Variants in BCL2L13 observed in about 807,000 individuals in gnomAD.
BCL2L13 encodes the protein bcl-2-like protein 13.
A neutral mutation model predicts 25.8 loss-of-function variants in BCL2L13; 13 were observed. The observed-to-expected ratio is 0.50, with a 90% CI of 0.33 to 0.80. The LOEUF is 0.80. Ranked by LOEUF, BCL2L13 falls within the 30% of genes least tolerant of loss-of-function variation. BCL2L13 has a pLI of 0.02. For synonymous variants in BCL2L13, 244 were observed against 230.3 expected (o/e 1.06, Z -0.54); for missense variants, 504 against 574.9 (o/e 0.88, Z 1.26).
intron 4 of BCL2L13, among the ~76,000 whole-genome samples, chr22:17,692,826 A>G (rs1601684959): frequency 6.6e-6 from 1 of 152,262 alleles, no homozygotes; most frequent in Non-Finnish European, 1.5e-5. Context: ...AGTAAAAAAT[A>G]AAATGAAATG....
intron 5 of BCL2L13, among the ~76,000 whole-genome samples, chr22:17,697,964 T>G (rs2060313793): frequency 6.6e-6 from 1 of 152,080 alleles, no homozygotes. Context: ...TATAGGCACC[T>G]GCCACCTTGC....
intron 1 of BCL2L13, 37 bp downstream of exon 1, chr22:17,638,923 T>C: frequency 1.6e-6 from 2 of 1,229,406 alleles, no homozygotes; most frequent in Non-Finnish European, 2.0e-6. Flanking sequence ...CTGAGCTGGG[T>C]GAGGAGGTGG....
chr22:17,695,986 T>A, intron 4 of BCL2L13, 155 bp from the exon 5 acceptor site: 1 of 538,618 alleles, frequency 1.9e-6, no homozygotes, highest in Non-Finnish European at 3.4e-6. Flanking sequence ...AAGTGCATAC[T>A]AGTGTGAAAA....
chr22:17,687,558 C>T (rs959833940), intron 3 of BCL2L13, among the ~76,000 whole-genome samples: 1 of 151,950 alleles, frequency 6.6e-6, no homozygotes, highest in African/African-American at 2.4e-5. Flanking sequence ...GCTCTGTCAC[C>T]CAGGCTGGAG....
intron 2 of BCL2L13, among the ~76,000 whole-genome samples, chr22:17,677,670 G>A (rs1373567673): frequency 2.0e-5 from 3 of 152,074 alleles, no homozygotes; most frequent in Non-Finnish European, 4.4e-5. Flanking sequence ...TCAGGAGATC[G>A]AGACCATCCT....
intron 2 of BCL2L13, among the ~76,000 whole-genome samples, chr22:17,660,273 G>A (rs2059022792): frequency 6.8e-6 from 1 of 146,620 alleles, no homozygotes; most frequent in Admixed American, 6.8e-5. Context: ...GAAATGTGCA[G>A]TTATGCATTT....
intron 2 of BCL2L13, among the ~76,000 whole-genome samples, chr22:17,665,166 AC>A (rs1385263003): frequency 1.3e-5 from 2 of 152,098 alleles, no homozygotes; most frequent in African/African-American, 4.8e-5. Context: ...TCTGCCAGAT[AC>A]CCTAAATCAT....
chr22:17,662,305 C>A lies in BCL2L13; in HGVS notation c.121+6473C>A, dbSNP rs190965829. On this transcript the variant is annotated intron_variant, in intron 2 of 6. Transcript: ENST00000317582. ...CATCCTGGCTAACACAGTGAAACCT[C>A]GTCTCTACTGAAAAAAACAAAAATT... 6.2e-3 allele frequency among the ~76,000 whole-genome samples: 948 copies of A among 152,136 alleles called. 5 individuals carry two copies. The highest frequency in any genetic ancestry group is 0.022 in the African/African-American group (902 of 41,500).
intron 2 of BCL2L13, among the ~76,000 whole-genome samples, chr22:17,674,021 G>A (rs16981007): frequency 0.015 from 2,260 of 152,232 alleles, 57 homozygotes; most frequent in African/African-American, 0.05. Flanking sequence ...GACAAAGGAA[G>A]TATATCCCAA....
intron 1 of BCL2L13, among the ~76,000 whole-genome samples, chr22:17,647,991 T>TTTCG (rs2058552998): frequency 6.6e-6 from 1 of 151,880 alleles, no homozygotes; most frequent in Non-Finnish European, 1.5e-5. Flanking sequence ...TTATCCGGGC[T>TTTCG]TGGTGGCACA....
intron 1 of BCL2L13, among the ~76,000 whole-genome samples, chr22:17,631,182 C>T (rs557801820): frequency 1.4e-4 from 21 of 151,766 alleles, no homozygotes; most frequent in Non-Finnish European, 2.9e-5. Flanking sequence ...CTGCAACCTC[C>T]ACCTCCTGGG....
intron 5 of BCL2L13, among the ~76,000 whole-genome samples, chr22:17,701,755 G>A (rs1237129780): frequency 2.6e-5 from 4 of 151,856 alleles, no homozygotes; most frequent in Non-Finnish European, 4.4e-5. Flanking sequence ...GTGAAACCCC[G>A]TCTCTACTAA....
Position 17,730,041 on chromosome 22 carries a change from T to C in BCL2L13, c.*2507T>C, listed in dbSNP as rs1338834592. Reference sequence around the variant, plus strand: ...CCTTCCACCTCCAACTTATACCCTCTAAGTCTAAGGTGAAGGAAAGATTCA... The same window carrying C: ...CCTTCCACCTCCAACTTATACCCTCCAAGTCTAAGGTGAAGGAAAGATTCA... On this transcript the variant is annotated 3_prime_UTR_variant, in exon 7 of 7. Coordinates refer to ENST00000317582, the MANE Select transcript of BCL2L13 (RefSeq NM_015367.4). 1 of 152,226 alleles carries C rather than the reference T, an allele frequency of 6.6e-6. No homozygotes were observed. Among genetic ancestry groups the C allele is most frequent in the African/African-American group, 2.4e-5 (1 of 41,458 alleles). The allele number at this position is 152,226 out of a possible 1,614,324, so 9.4% of individuals were successfully genotyped here.
At chr22:17,642,382 C>T (rs1274483514) in intron 1 of BCL2L13, among the ~76,000 whole-genome samples, 1 of 151,536 alleles carries the variant, frequency 6.6e-6, no homozygotes, top group Non-Finnish European at 1.5e-5. Flanking sequence ...TGGTCTCCAG[C>T]TCCTGATCTC....
At chr22:17,682,223 T>C (rs2059777413) in intron 2 of BCL2L13, among the ~76,000 whole-genome samples, 1 of 152,176 alleles carries the variant, frequency 6.6e-6, no homozygotes, top group South Asian at 2.1e-4. Context: ...CATGAGAGAC[T>C]GGTGATGAGC....
Position 17,702,306 on chromosome 22 carries a change from C to T in BCL2L13, c.520C>T (p.Pro174Ser), listed in dbSNP as rs1328746071. The change falls in exon 6 of 7, where the codon CCT becomes TCT. Residue 174 changes from proline to serine, a missense_variant. Transcript: ENST00000317582. ...GGAATTGACAAGACGTGGTCAAGAA[C>T]CTTTGAGCGCACTGCTGCAGTTTGG... is the stretch of plus-strand genomic sequence containing the variant. ...LLELTRRGQE[P>S]LSALLQFGVT... The T allele has an allele frequency of 1.2e-6, 2 of 1,612,520 alleles. No individual in the cohort carries two copies. Among genetic ancestry groups the T allele is most frequent in the Admixed American group, 1.7e-5 (1 of 59,790 alleles).
intron 6 of BCL2L13, among the ~76,000 whole-genome samples, chr22:17,706,062 G>GGAGTACA (rs2060580184): frequency 6.6e-6 from 1 of 152,188 alleles, no homozygotes; most frequent in Non-Finnish European, 1.5e-5. Context: ...TGCCCTGGCT[G>GGAGTACA]GAGTACAGTG....
intron 1 of BCL2L13, 46 bp downstream of exon 1, chr22:17,638,932 G>T (rs779760145): frequency 8.2e-7 from 1 of 1,222,338 alleles, no homozygotes; most frequent in Non-Finnish European, 1.0e-6. Context: ...GTGAGGAGGT[G>T]GTTTTCACCT....
intron 5 of BCL2L13, among the ~76,000 whole-genome samples, chr22:17,699,146 T>C (rs1187656391): frequency 1.3e-5 from 2 of 152,202 alleles, no homozygotes; most frequent in African/African-American, 4.8e-5. Context: ...GGGTGACATA[T>C]AATATCTGGT....
Sources: allele counts gnomAD v4.1 joint callset (sites outside exome capture counted in the v4.1 genomes callset), GRCh38; gene constraint gnomAD v4.1.1; transcripts MANE v1.5; gene names NCBI Gene and HGNC (gene_info 2026-07-23, HGNC 2026-07-21).